PHF6: variants seen among roughly 807,000 people sequenced by gnomAD.
The protein encoded by PHF6 is PHD-like zinc finger protein.
In PHF6, 7 loss-of-function variants were observed where a neutral mutation model predicts 34.0. The observed-to-expected ratio is 0.21, with a 90% CI of 0.12 to 0.39. PHF6 has a LOEUF of 0.39. Among genes scored for constraint, PHF6 ranks in the 10% least tolerant of loss-of-function variants. PHF6 has a pLI of 1.00. For synonymous variants in PHF6, 89 were observed against 88.4 expected (o/e 1.01, Z -0.04); for missense variants, 128 against 262.8 (o/e 0.49, Z 3.55).
chrX:134,412,492 T>TA (rs2077455264), intron 5 of PHF6, among the ~76,000 whole-genome samples: 1 of 111,778 alleles, frequency 8.9e-6, no homozygotes, highest in Non-Finnish European at 1.9e-5. Context: ...ATTGAGAAAT[T>TA]AGTCTCTAGA....
At chrX:134,422,576 A>G (rs1417651272) in intron 9 of PHF6, among the ~76,000 whole-genome samples, 1 of 111,983 alleles carries the variant, frequency 8.9e-6, no homozygotes, top group East Asian at 2.8e-4. Flanking sequence ...TCTCCTAACT[A>G]TGGCTTTTCT....
At chrX:134,397,844 T>G (rs542573298) in intron 5 of PHF6, among the ~76,000 whole-genome samples, 1 of 112,021 alleles carries the variant, frequency 8.9e-6, no homozygotes, top group South Asian at 3.7e-4. Flanking sequence ...GCTTGAAGTC[T>G]AATATGAGAG....
chrX:134,420,189 C>T (rs1472156647), intron 9 of PHF6: 1 of 109,225 alleles, frequency 9.2e-6, no homozygotes, highest in East Asian at 2.9e-4. Flanking sequence ...TGGCTCACGC[C>T]TGTAATCTCA....
intron 3 of PHF6, among the ~76,000 whole-genome samples, chrX:134,393,193 C>T (rs1205695919): frequency 8.9e-6 from 1 of 111,798 alleles, no homozygotes; most frequent in African/African-American, 3.3e-5. Flanking sequence ...CATAAAAAGT[C>T]TCTTTTATAA....
rs963567465 is a variant in PHF6, at chrX:134,413,773, G to A, written c.586-50G>A. The A allele has an allele frequency of 5.8e-6, 7 of 1,199,989 alleles. No homozygotes were observed. In the African/African-American group the frequency reaches 8.8e-5, roughly 15 times the overall value. ...GTTAAGTAAGCTTGAAATACCGATAGCATATTTTCATGATTTTTTTTAAGT... is the reference window on the plus strand; with the variant it reads ...GTTAAGTAAGCTTGAAATACCGATAACATATTTTCATGATTTTTTTTAAGT... On this transcript the variant is annotated intron_variant, in intron 6 of 10. Coordinates refer to ENST00000370803, the MANE Select transcript of PHF6 (RefSeq NM_001015877.2).
chrX:134,379,952 C>T (rs762130023), intron 3 of PHF6, among the ~76,000 whole-genome samples: 34 of 111,191 alleles, frequency 3.1e-4, no homozygotes, highest in Non-Finnish European at 5.5e-4. Context: ...TATGACTATC[C>T]CTGGAAAATA....
chrX:134,395,817 A>T (rs1361276746), intron 5 of PHF6, among the ~76,000 whole-genome samples: 7 of 112,117 alleles, frequency 6.2e-5, no homozygotes, highest in African/African-American at 2.3e-4. Flanking sequence ...TACAGTCGTT[A>T]GCAAAATCTA....
Position 134,410,955 on chromosome X carries a change from C to CTTT in PHF6, c.419-2523_419-2521dup, listed in dbSNP as rs768638503. ...TTATTGTTTGCCTTTTAACTTACCA[C>CTTT]TTTTTTTTTTTTTTTGAGATGGAGT... On this transcript the variant is annotated intron_variant, in intron 5 of 10. Transcript: ENST00000370803. Among the ~76,000 whole-genome samples, 12 of 90,588 alleles carry CTTT rather than the reference C, an allele frequency of 1.3e-4. No individual in the cohort carries two copies. The South Asian group carries it at 3.6e-3, about 27-fold the overall frequency. The allele number at this position is 90,588 out of a possible 115,157, so 78.7% of individuals were successfully genotyped here.
Position 134,413,856 on chromosome X carries a change from G to A in PHF6, c.619G>A (p.Asp207Asn). The A allele has an allele frequency of 8.3e-7, 1 of 1,211,049 alleles. No individual in the cohort carries two copies. Among genetic ancestry groups the A allele is most frequent in the Non-Finnish European group, 1.1e-6 (1 of 895,088 alleles). The change falls in exon 7 of 11, where the codon GAC becomes AAC. Residue 207 changes from aspartate (D) to asparagine (N), a missense_variant. Coordinates refer to ENST00000370803, the MANE Select transcript of PHF6 (RefSeq NM_001015877.2). ...GTCTCCACACAGAAGCAGCCCTAGTGACACCAGGCCTAAATGTGGATTTTG... is the reference window on the plus strand; with the variant it reads ...GTCTCCACACAGAAGCAGCCCTAGTAACACCAGGCCTAAATGTGGATTTTG... ...DRSPHRSSPS[D>N]TRPKCGFCHV... is the part of the protein sequence containing the mutation.
intron 9 of PHF6, among the ~76,000 whole-genome samples, chrX:134,420,566 T>C (rs1293177735): frequency 9.1e-6 from 1 of 109,476 alleles, no homozygotes; most frequent in African/African-American, 3.3e-5. Flanking sequence ...ATTTTTTCCA[T>C]TTAAAAAAAA....
At chrX:134,397,169 ATCAGTTTTGCT>A (rs2077380958) in intron 5 of PHF6, among the ~76,000 whole-genome samples, 1 of 112,077 alleles carries the variant, frequency 8.9e-6, no homozygotes, top group Admixed American at 9.5e-5. Flanking sequence ...AACCTATGTC[ATCAGTTTTGCT>A]TCAGGAAAAA....
At chrX:134,414,483 G>A (rs1366770546) in intron 7 of PHF6, among the ~76,000 whole-genome samples, 1 of 111,437 alleles carries the variant, frequency 9.0e-6, no homozygotes, top group Non-Finnish European at 1.9e-5. Flanking sequence ...CTTTGACTTA[G>A]ATTGTATTGA....
chrX:134,399,663 A>ACACG (rs2077393734), intron 5 of PHF6, among the ~76,000 whole-genome samples: 1 of 108,255 alleles, frequency 9.2e-6, no homozygotes, highest in East Asian at 2.9e-4. Context: ...ACACACACAC[A>ACACG]CACACAGACA....
At chrX:134,421,904 A>C (rs748432490) in intron 9 of PHF6, among the ~76,000 whole-genome samples, 4 of 106,764 alleles carry the variant, frequency 3.7e-5, no homozygotes, top group Non-Finnish European at 7.7e-5. Flanking sequence ...ACATTAAACA[A>C]TTTTACATCT....
intron 9 of PHF6, among the ~76,000 whole-genome samples, chrX:134,423,385 C>T (rs948379846): frequency 1.8e-5 from 2 of 111,671 alleles, no homozygotes; most frequent in Admixed American, 9.6e-5. Flanking sequence ...TTTCATGATG[C>T]CATTTAACTT....
rs1408033541 is a variant in PHF6, at chrX:134,427,030, C to G, written c.*1370C>G. 1 of 160,337 alleles carries G rather than the reference C, an allele frequency of 6.2e-6. No individual in the cohort carries two copies. Among genetic ancestry groups the G allele is most frequent in the East Asian group, 9.2e-5 (1 of 10,905 alleles). The allele number at this position is 160,337 out of a possible 1,213,427, so 13.2% of individuals were successfully genotyped here. A position where few individuals can be genotyped will look rare whatever the true frequency, so the allele number is the denominator to read the frequency against. Reference sequence around the variant, plus strand: ...ATAGAGCAGCATTTTAAAAATGTAACAGGTGGAAAATTACACTGTGCTTAA... The same window carrying G: ...ATAGAGCAGCATTTTAAAAATGTAAGAGGTGGAAAATTACACTGTGCTTAA... On this transcript the variant is annotated 3_prime_UTR_variant, in exon 11 of 11. Transcript: ENST00000370803.
intron 10 of PHF6, 81 bp from the exon 11 acceptor site, chrX:134,425,579 AT>A (rs1416494908): frequency 3.0e-5 from 11 of 361,479 alleles, no homozygotes. Context: ...TCAATAAGAT[AT>A]TCACACTCCT....
intron 5 of PHF6, among the ~76,000 whole-genome samples, chrX:134,406,106 CTTTCTTTT>C (rs1279390846): frequency 8.4e-5 from 7 of 83,275 alleles, no homozygotes; most frequent in African/African-American, 2.8e-4. Flanking sequence ...TTCTTTCTTT[CTTTCTTTT>C]TTTTTTTACT....
rs1406287202 is a variant in PHF6, at chrX:134,421,452, A to ATAT, written c.969-3740_969-3738dup. Among the ~76,000 whole-genome samples, 23 of 112,295 alleles carry ATAT rather than the reference A, an allele frequency of 2.0e-4. No homozygotes were observed. In the Admixed American group the frequency reaches 2.1e-3, roughly 10 times the overall value. ...GTGTTTGAATATCTTCATGAGAAGTATATTATTATTAAAGTAGCCCTTAAC... is the reference window on the plus strand; with the variant it reads ...GTGTTTGAATATCTTCATGAGAAGTATATTATTATTATTAAAGTAGCCCTTAAC... On this transcript the variant is annotated intron_variant, in intron 9 of 10. Transcript: ENST00000370803.
Sources: gnomAD v4.1 joint callset for allele counts (sites outside exome capture counted in the v4.1 genomes callset) on GRCh38, gnomAD v4.1.1 for gene constraint, MANE v1.5 for transcripts, NCBI Gene and HGNC (gene_info 2026-07-23, HGNC 2026-07-21) for gene names.